Variants in HSPA12A observed in about 807,000 individuals in gnomAD.
The protein encoded by HSPA12A is heat shock protein family A (Hsp70) member 12A.
HSPA12A carries 28 observed loss-of-function variants against 69.2 expected under a neutral mutation model. The observed-to-expected ratio is 0.40, with a 90% CI of 0.30 to 0.55. The LOEUF is 0.55. Ranked by LOEUF, HSPA12A falls within the 20% of genes least tolerant of loss-of-function variation. The pLI, the probability that HSPA12A is intolerant of heterozygous loss-of-function variation, is 0.38. For missense variants in HSPA12A, 686 were observed against 900.7 expected (o/e 0.76, Z 3.05); for synonymous variants, 345 against 370.5 (o/e 0.93, Z 0.79).
intron 2 of HSPA12A, among the ~76,000 whole-genome samples, chr10:116,827,102 C>T (rs1242235925): frequency 6.6e-6 from 1 of 152,246 alleles, no homozygotes; most frequent in Non-Finnish European, 1.5e-5. Context: ...GCCACCCACA[C>T]ACACTGGGGA....
intron 2 of HSPA12A, among the ~76,000 whole-genome samples, chr10:116,765,517 A>T (rs1638411): frequency 0.2 from 30,883 of 152,132 alleles, 3,202 homozygotes; most frequent in East Asian, 0.24. Context: ...TGAATTTTTA[A>T]AATAGACCTA....
chr10:116,672,338 A>G lies in HSPA12A; in HGVS notation c.*2443T>C, dbSNP rs782194287. The G allele has an allele frequency of 6.6e-6, 1 of 152,224 alleles. No homozygotes were observed. Among genetic ancestry groups the G allele is most frequent in the African/African-American group, 2.4e-5 (1 of 41,454 alleles). The allele number at this position is 152,224 out of a possible 1,614,324, so 9.4% of individuals were successfully genotyped here. On this transcript the variant is annotated 3_prime_UTR_variant, in exon 12 of 12. Coordinates refer to ENST00000369209, the MANE Select transcript of HSPA12A (RefSeq NM_025015.3). ...TGTTCTGCGCAGTCACATGGCTTCCAGAACCAGAACGTTCAGCTCTTAAAG... is the reference window on the plus strand; with the variant it reads ...TGTTCTGCGCAGTCACATGGCTTCCGGAACCAGAACGTTCAGCTCTTAAAG...
At chr10:116,704,990 A>T (rs1850197208) in intron 3 of HSPA12A, among the ~76,000 whole-genome samples, 161 bp downstream of exon 3, 1 of 152,196 alleles carries the variant, frequency 6.6e-6, no homozygotes, top group South Asian at 2.1e-4. Context: ...GAGCCCAGAG[A>T]TCAGAAATGG....
rs1849207679 is a variant in HSPA12A at position 116,675,440 on chromosome 10, GA to G, written c.1391-23del. ...TCCCCTGGAAGGGAAGAGGCAGGGA[GA>G]ATGTCCTGTCACCAAAAGCCAGCAA... is the stretch of plus-strand genomic sequence containing the variant. On this transcript the variant is annotated intron_variant, in intron 11 of 11. Transcript: ENST00000369209. The surrounding 1 kb of genome is among the most constrained non-coding windows in gnomAD (Gnocchi z 5.2). The G allele has an allele frequency of 3.2e-6, 5 of 1,541,378 alleles. No individual in the cohort carries two copies. The East Asian group carries it at 1.2e-4, about 36-fold the overall frequency.
chr10:116,781,301 GA>G (rs59929331), intron 2 of HSPA12A, among the ~76,000 whole-genome samples: 3,160 of 147,804 alleles, frequency 0.021, 69 homozygotes, highest in East Asian at 0.13. Flanking sequence ...AAAGAAAACA[GA>G]AAAAAAAAAA....
intron 2 of HSPA12A, among the ~76,000 whole-genome samples, chr10:116,756,703 G>A (rs1843859388): frequency 6.6e-6 from 1 of 152,150 alleles, no homozygotes; most frequent in East Asian, 1.9e-4. Flanking sequence ...TCTACATAGT[G>A]GGAGTTCATT....
At chr10:116,849,569 G>A in exon 1 of HSPA12A, 3 of 1,540,466 alleles carry the variant, frequency 1.9e-6, no homozygotes, top group South Asian at 2.4e-5. Context: ...CTCCTACCAT[G>A]GAGGAAGAAG....
intron 1 of HSPA12A, among the ~76,000 whole-genome samples, chr10:116,741,516 C>T (rs1851506088): frequency 6.6e-6 from 1 of 152,198 alleles, no homozygotes; most frequent in South Asian, 2.1e-4. Flanking sequence ...AGGTCAGGGA[C>T]GCGCGGCGCC....
intron 6 of HSPA12A, among the ~76,000 whole-genome samples, chr10:116,691,818 C>T (rs2132939401): frequency 6.6e-6 from 1 of 152,384 alleles, no homozygotes; most frequent in African/African-American, 2.4e-5. Flanking sequence ...CTGCAGGGGT[C>T]TGCCACCTCC....
Position 116,679,732 on chromosome 10 carries a change from A to C in HSPA12A, c.1057T>G (p.Tyr353Asp). ...GGPYGSLGVD[Y>D]EFEKLLYKIF... ...TTATACAGAAGTTTTTCGAACTCAT[A>C]ATCTACTCCTAAAGATCCATAGGGT... Residue 353 changes from tyrosine (Y) to aspartate (D), a missense_variant, in exon 10 of 12, where the codon TAT (tyrosine) becomes GAT (aspartate). Coordinates refer to ENST00000369209, the MANE Select transcript of HSPA12A (RefSeq NM_025015.3). 1 of 1,614,134 alleles carries C rather than the reference A, an allele frequency of 6.2e-7. No individual in the cohort carries two copies. The highest frequency in any genetic ancestry group is 8.5e-7 in the Non-Finnish European group (1 of 1,179,988).
chr10:116,749,202 G>A (rs564504290), intron 2 of HSPA12A, among the ~76,000 whole-genome samples: 37 of 152,256 alleles, frequency 2.4e-4, no homozygotes, highest in South Asian at 1.0e-3. Context: ...GCCCAGTGCC[G>A]AATGACTTTA....
At chr10:116,807,561 T>G (rs1845092866) in intron 2 of HSPA12A, among the ~76,000 whole-genome samples, 1 of 152,204 alleles carries the variant, frequency 6.6e-6, no homozygotes, top group Non-Finnish European at 1.5e-5. Flanking sequence ...ATGGCACATT[T>G]GATCTATGTG....
chr10:116,767,681 A>G (rs1482435357), intron 2 of HSPA12A, among the ~76,000 whole-genome samples: 1 of 152,230 alleles, frequency 6.6e-6, no homozygotes, highest in Admixed American at 6.5e-5. Flanking sequence ...TTTGGCTCAG[A>G]ACCCAGACTC....
At chr10:116,783,973 G>C (rs2133140787) in intron 2 of HSPA12A, among the ~76,000 whole-genome samples, 1 of 152,306 alleles carries the variant, frequency 6.6e-6, no homozygotes, top group Middle Eastern at 3.4e-3. Context: ...CAAAGTGCTA[G>C]GATTACAGGT....
intron 1 of HSPA12A, among the ~76,000 whole-genome samples, chr10:116,711,286 TGACTTG>T (rs1173041471): frequency 6.6e-5 from 10 of 152,134 alleles, no homozygotes; most frequent in Non-Finnish European, 1.5e-4. Context: ...CCCCACAGGT[TGACTTG>T]GACACACTAG....
intron 1 of HSPA12A, among the ~76,000 whole-genome samples, chr10:116,730,254 T>C (rs1024136500): frequency 2.0e-5 from 3 of 152,220 alleles, no homozygotes; most frequent in Non-Finnish European, 4.4e-5. Flanking sequence ...ATTCTTTATA[T>C]ACATGACCTC....
intron 1 of HSPA12A, among the ~76,000 whole-genome samples, chr10:116,713,788 T>A (rs896368277): frequency 7.9e-5 from 12 of 152,084 alleles, no homozygotes; most frequent in Admixed American, 5.9e-4. Flanking sequence ...TACTACTAAT[T>A]TTCATGAATT....
chr10:116,775,116 G>A (rs1844306617), intron 2 of HSPA12A, among the ~76,000 whole-genome samples: 1 of 152,200 alleles, frequency 6.6e-6, no homozygotes, highest in Admixed American at 6.5e-5. Flanking sequence ...AAGGGATTGG[G>A]CCAGAAGCCA....
intron 2 of HSPA12A, among the ~76,000 whole-genome samples, chr10:116,802,741 C>T (rs887975011): frequency 1.3e-5 from 2 of 152,218 alleles, no homozygotes; most frequent in East Asian, 1.9e-4. Flanking sequence ...CCGATCACGG[C>T]TTGCCTACCT....
Sources: gnomAD v4.1 joint callset for allele counts (sites outside exome capture counted in the v4.1 genomes callset) on GRCh38, gnomAD v4.1.1 for gene constraint, Gnocchi (gnomAD v3.1) non-coding constraint, MANE v1.5 for transcripts, NCBI Gene and HGNC (gene_info 2026-07-23, HGNC 2026-07-21) for gene names.